The following SKOR2 variants were observed in gnomAD, a reference collection of about 807,000 sequenced individuals.
SKOR2 encodes the protein LBX1 corepressor 1-like protein.
SKOR2 carries 47 observed loss-of-function variants against 69.1 expected under a neutral mutation model. The ratio of observed to expected loss-of-function variants is 0.68; its 90% CI spans 0.54 to 0.87. The LOEUF (loss-of-function observed/expected upper bound fraction) is 0.87, where lower values mean the gene tolerates loss of function less well. Ranked by LOEUF, SKOR2 falls within the 40% of genes least tolerant of loss-of-function variation. The pLI, the probability that SKOR2 is intolerant of heterozygous loss-of-function variation, is 0.00. For synonymous variants in SKOR2, 717 were observed against 672.6 expected, an observed-to-expected ratio of 1.07 and a Z score of -1.02; for missense variants, 1,404 against 1,472.2, an observed-to-expected ratio of 0.95 and a Z score of 0.76.
At chr18:47,234,869 A>AAAAAAAAAAAG (rs1184339439) in intron 4 of SKOR2, among the ~76,000 whole-genome samples, 1 of 150,954 alleles carries the variant, frequency 6.6e-6, no homozygotes, top group Non-Finnish European at 1.5e-5. Context: ...TCAGGGAAAA[A>AAAAAAAAAAAG]AAAAAAGAGA....
intron 2 of SKOR2, 125 bp from the exon 3 acceptor site, chr18:47,245,686 T>C: frequency 1.3e-6 from 1 of 786,192 alleles, no homozygotes; most frequent in East Asian, 2.9e-5. Context: ...CATCATTTTT[T>C]GACGATTATT....
intron 1 of SKOR2, among the ~76,000 whole-genome samples, chr18:47,250,053 G>A (rs748697007): frequency 6.6e-5 from 10 of 152,170 alleles, no homozygotes; most frequent in African/African-American, 9.7e-5. Flanking sequence ...GTAAGTAGAG[G>A]CAAGGGTGTT....
chr18:47,239,283 A>C (rs2064238466), intron 4 of SKOR2, among the ~76,000 whole-genome samples: 1 of 152,106 alleles, frequency 6.6e-6, no homozygotes, highest in Admixed American at 6.6e-5. Flanking sequence ...CTTGGTGTTA[A>C]ATTCTACATT....
At chr18:47,212,538 T>A (rs2064130951) in intron 7 of SKOR2, among the ~76,000 whole-genome samples, 1 of 152,214 alleles carries the variant, frequency 6.6e-6, no homozygotes, top group African/African-American at 2.4e-5. Context: ...TACAAACTAG[T>A]TTAATGTAAT....
At position 47,248,094 on chromosome 18, in the gene SKOR2, C is replaced by T. The variant is rs2064290746; in HGVS notation, c.1090G>A (p.Ala364Thr). ...GGCVAGVGVG[A>T]GAGAGAGAGA... ...GCCCCGGCACCCGCCCCCGCGCCCGCGCCCACGCCCACGCCGGCCACACAG... is the reference window on the plus strand; with the variant it reads ...GCCCCGGCACCCGCCCCCGCGCCCGTGCCCACGCCCACGCCGGCCACACAG... The change falls in exon 2 of 9, where the codon GCG becomes ACG. Residue 364 changes from alanine (A) to threonine (T), a missense_variant. This residue lies in a region of SKOR2 where 1,266 missense variants were observed against 1,309.9 expected (regional missense o/e 0.97). Transcript: ENST00000425639. The surrounding 1 kb of genome is among the most constrained non-coding windows in gnomAD (Gnocchi z 6.4). 7.4e-7 allele frequency: 1 copy of T among 1,358,122 alleles called. No homozygotes were observed. The highest frequency in any genetic ancestry group is 3.1e-5 in the East Asian group (1 of 31,756). 84.1% of individuals were successfully genotyped at this position (1,358,122 alleles called of 1,614,324 possible). A position where few individuals can be genotyped will look rare whatever the true frequency, so the allele number is the denominator to read the frequency against.
At chr18:47,233,071 A>G (rs2064206294) in intron 4 of SKOR2, among the ~76,000 whole-genome samples, 1 of 152,132 alleles carries the variant, frequency 6.6e-6, no homozygotes, top group Admixed American at 6.5e-5. Flanking sequence ...GTGTGTGTGT[A>G]GGTAAATACA....
At chr18:47,231,080 T>A (rs1184938758) in intron 4 of SKOR2, 80 bp from the exon 5 acceptor site, 1 of 1,535,116 alleles carries the variant, frequency 6.5e-7, no homozygotes, top group Non-Finnish European at 8.7e-7. Flanking sequence ...TCTTTTAATA[T>A]CTGCAAAACA....
intron 8 of SKOR2, among the ~76,000 whole-genome samples, chr18:47,209,343 C>A (rs2064121398): frequency 6.6e-6 from 1 of 152,118 alleles, no homozygotes; most frequent in Non-Finnish European, 1.5e-5. Flanking sequence ...AATTTGGAAA[C>A]CTGTGGTCAC....
Position 47,247,944 on chromosome 18 carries a change from C to A in SKOR2, c.1240G>T (p.Ala414Ser). 7.3e-7 allele frequency: 1 copy of A among 1,366,788 alleles called. No homozygotes were observed. Among genetic ancestry groups the A allele is most frequent in the South Asian group, 1.8e-5 (1 of 56,496 alleles). The allele number at this position is 1,366,788 out of a possible 1,614,324, so 84.7% of individuals were successfully genotyped here. The change falls in exon 2 of 9, where the codon GCG becomes TCG. Residue 414 changes from alanine to serine, a missense_variant. Transcript: ENST00000425639. The surrounding 1 kb of genome is among the most constrained non-coding windows in gnomAD (Gnocchi z 6.6). The part of the protein sequence containing the change: ...LFPHPYTFPA[A>S]AAAFSLCHKK... ...TGGCACAAGCTGAAGGCGGCGGCCG[C>A]GGCAGGGAAGGTGTAGGGGTGCGGG...
At chr18:47,244,691 A>T (rs1325656332) in intron 4 of SKOR2, among the ~76,000 whole-genome samples, 1 of 152,140 alleles carries the variant, frequency 6.6e-6, no homozygotes, top group Non-Finnish European at 1.5e-5. Context: ...GTGTAACCTG[A>T]TATATTTCTG....
At chr18:47,220,278 T>A (rs1568084307) in intron 6 of SKOR2, among the ~76,000 whole-genome samples, 1 of 152,084 alleles carries the variant, frequency 6.6e-6, no homozygotes, top group African/African-American at 2.4e-5. Flanking sequence ...CACAGAAATA[T>A]CCCACACAAT....
chr18:47,211,954 G>T, intron 8 of SKOR2, 132 bp downstream of exon 8: 3 of 718,008 alleles, frequency 4.2e-6, no homozygotes, highest in Non-Finnish European at 5.8e-6. Flanking sequence ...GAAGTTTATT[G>T]GTATATTGAC....
intron 7 of SKOR2, among the ~76,000 whole-genome samples, chr18:47,216,521 T>C (rs2064144419): frequency 6.6e-6 from 1 of 152,174 alleles, no homozygotes. Flanking sequence ...GACTCTGTAG[T>C]CATCACAACT....
chr18:47,223,917 TAAA>T (rs2064169811), intron 6 of SKOR2, among the ~76,000 whole-genome samples: 3 of 128,858 alleles, frequency 2.3e-5, no homozygotes, highest in Non-Finnish European at 3.3e-5. Flanking sequence ...TTTTTTTTTT[TAAA>T]TTTGAGGCAG....
intron 7 of SKOR2, among the ~76,000 whole-genome samples, chr18:47,217,948 T>A (rs892392920): frequency 1.3e-5 from 2 of 152,214 alleles, no homozygotes; most frequent in Non-Finnish European, 2.9e-5. Context: ...TTTGTCTAGA[T>A]AGATGAATAC....
chr18:47,231,026 A>G (rs1254225352), intron 4 of SKOR2, 26 bp from the exon 5 acceptor site: 2 of 1,535,756 alleles, frequency 1.3e-6, no homozygotes, highest in East Asian at 2.4e-5. Flanking sequence ...GAAAAATACT[A>G]TTAGTTTTGT....
chr18:47,214,133 G>A (rs2064136534), intron 7 of SKOR2, among the ~76,000 whole-genome samples: 1 of 152,182 alleles, frequency 6.6e-6, no homozygotes, highest in East Asian at 1.9e-4. Flanking sequence ...CAGCCACCAG[G>A]AGAGATAAGT....
Position 47,249,051 on chromosome 18 carries a change from T to A in SKOR2, c.133A>T (p.Ile45Phe), listed in dbSNP as rs542732248. Residue 45 changes from isoleucine (I) to phenylalanine (F), a missense_variant, in exon 2 of 9, where the codon ATC becomes TTC. Coordinates refer to ENST00000425639, the MANE Select transcript of SKOR2 (RefSeq NM_001278063.4). ...GACACGATGGGAATGCCGTAGAGGATCACCTGGCCCACCTGGTTGGGTTTG... is the reference window on the plus strand; with the variant it reads ...GACACGATGGGAATGCCGTAGAGGAACACCTGGCCCACCTGGTTGGGTTTG... Reference protein sequence around the residue: ...NLKPNQVGQVILYGIPIVSLV... With the variant: ...NLKPNQVGQVFLYGIPIVSLV... 1.3e-6 allele frequency: 2 copies of A among 1,537,842 alleles called. No homozygotes were observed. Among genetic ancestry groups the A allele is most frequent in the South Asian group, 2.4e-5 (2 of 84,100 alleles).
chr18:47,216,976 G>A (rs1354144894), intron 7 of SKOR2, among the ~76,000 whole-genome samples: 3 of 152,146 alleles, frequency 2.0e-5, no homozygotes, highest in African/African-American at 7.2e-5. Context: ...ACAATTTCTT[G>A]ATAATCTTTA....
Sources: allele counts gnomAD v4.1 joint callset (sites outside exome capture counted in the v4.1 genomes callset), GRCh38; gene constraint gnomAD v4.1.1; regional missense constraint gnomAD v4.1.1; non-coding constraint Gnocchi (gnomAD v3.1); transcripts MANE v1.5; gene names NCBI Gene and HGNC (gene_info 2026-07-23, HGNC 2026-07-21).